The following IDO2 variants were observed in gnomAD, a reference collection of about 807,000 sequenced individuals.
IDO2 encodes indoleamine 2,3-dioxygenase 2.
In IDO2, 46 loss-of-function variants were observed where a neutral mutation model predicts 45.1. The observed-to-expected ratio is 1.02, with a 90% CI of 0.80 to 1.30. IDO2 has a LOEUF of 1.30. Ranked by LOEUF, IDO2 falls within the 50% of genes most tolerant of loss-of-function variation. The pLI is 0.00. For missense variants in IDO2, 544 were observed against 491.8 expected (o/e 1.11, Z -1.00); for synonymous variants, 218 against 184.9 (o/e 1.18, Z -1.45).
At chr8:39,993,637 A>G (rs879419908) in intron 8 of IDO2, among the ~76,000 whole-genome samples, 3 of 152,184 alleles carry the variant, frequency 2.0e-5, no homozygotes, top group Admixed American at 2.0e-4. Context: ...AGTAATTAAC[A>G]CTGAGATTCT....
intron 1 of IDO2, among the ~76,000 whole-genome samples, chr8:39,942,435 G>C (rs780856825): frequency 3.9e-5 from 6 of 152,162 alleles, no homozygotes; most frequent in Non-Finnish European, 8.8e-5. Context: ...CCAGAGGTCA[G>C]GAGTTTGAGA....
chr8:39,987,650 A>T, intron 6 of IDO2: 2 of 498,412 alleles, frequency 4.0e-6, no homozygotes, highest in Non-Finnish European at 7.2e-6. Context: ...AGACATTGGG[A>T]GGCTGCCTGT....
intron 8 of IDO2, among the ~76,000 whole-genome samples, chr8:40,000,409 CAAA>C (rs111983380): frequency 7.5e-6 from 1 of 132,956 alleles, no homozygotes. Flanking sequence ...ACTCCATCTT[CAAA>C]AAAAAAAAAA....
At chr8:39,948,260 A>G (rs1002765043) in intron 1 of IDO2, among the ~76,000 whole-genome samples, 1 of 152,278 alleles carries the variant, frequency 6.6e-6, no homozygotes, top group Admixed American at 6.5e-5. Context: ...TAAATCAATC[A>G]TAATCCTAGA....
intron 3 of IDO2, among the ~76,000 whole-genome samples, chr8:39,968,109 G>T (rs1808124156): frequency 6.7e-6 from 1 of 150,324 alleles, no homozygotes. Flanking sequence ...AAGAAAACAG[G>T]ATATCCTTCA....
intron 5 of IDO2, among the ~76,000 whole-genome samples, chr8:39,984,719 G>T (rs1400382306): frequency 1.3e-5 from 2 of 152,118 alleles, no homozygotes; most frequent in East Asian, 1.9e-4. Context: ...GACACTACAT[G>T]ACAAATGTCA....
At chr8:39,956,597 C>T (rs1321196571) in intron 2 of IDO2, among the ~76,000 whole-genome samples, 2 of 152,138 alleles carry the variant, frequency 1.3e-5, no homozygotes, top group East Asian at 3.8e-4. Context: ...AAAATTTATT[C>T]ATAGCAGCCT....
intron 4 of IDO2, 144 bp from the exon 5 acceptor site, chr8:39,982,508 G>A (rs1808369296): frequency 1.7e-6 from 1 of 592,230 alleles, no homozygotes; most frequent in East Asian, 2.8e-5. Context: ...TGCGGCATAT[G>A]AATGTGCATC....
At chr8:39,999,744 G>T (rs1802106873) in intron 8 of IDO2, among the ~76,000 whole-genome samples, 1 of 151,916 alleles carries the variant, frequency 6.6e-6, no homozygotes, top group Non-Finnish European at 1.5e-5. Flanking sequence ...ATTACAGGCG[G>T]GAGCCACCAT....
chr8:39,938,603 A>G (rs764299464), intron 1 of IDO2, among the ~76,000 whole-genome samples: 7 of 152,178 alleles, frequency 4.6e-5, no homozygotes, highest in Non-Finnish European at 5.9e-5. Context: ...TCACATATCA[A>G]TATTAAAATG....
chr8:39,950,581 G>T (rs1807799608), intron 2 of IDO2, among the ~76,000 whole-genome samples: 1 of 152,174 alleles, frequency 6.6e-6, no homozygotes, highest in South Asian at 2.1e-4. Context: ...TCTGCAGAAA[G>T]GGTGCTACTC....
chr8:39,972,224 T>C (rs1156892792), intron 3 of IDO2, among the ~76,000 whole-genome samples: 2 of 152,220 alleles, frequency 1.3e-5, no homozygotes, highest in Non-Finnish European at 2.9e-5. Flanking sequence ...GAAATGTTGC[T>C]GAACATTGTT....
At chr8:39,996,144 C>CG (rs1478297071) in intron 8 of IDO2, among the ~76,000 whole-genome samples, 3 of 151,412 alleles carry the variant, frequency 2.0e-5, no homozygotes, top group African/African-American at 7.3e-5. Flanking sequence ...TCCCTTTCCC[C>CG]GGGGGAGTTA....
intron 10 of IDO2, 61 bp from the exon 11 acceptor site, chr8:40,015,186 A>C: frequency 1.0e-6 from 1 of 992,136 alleles, no homozygotes; most frequent in Non-Finnish European, 1.5e-6. Context: ...AAGAAGAAGC[A>C]GACGAGCTCT....
chr8:40,015,130 G>A, intron 10 of IDO2, 117 bp from the exon 11 acceptor site: 1 of 646,996 alleles, frequency 1.5e-6, no homozygotes, highest in South Asian at 2.1e-5. Context: ...ACTCCAGCCT[G>A]GGCAACAGAG....
intron 9 of IDO2, among the ~76,000 whole-genome samples, chr8:40,006,403 A>G (rs935515482): frequency 3.3e-5 from 5 of 152,206 alleles, no homozygotes; most frequent in Admixed American, 1.3e-4. Context: ...GGTGTTTGGT[A>G]GGTCAGATGT....
intron 2 of IDO2, among the ~76,000 whole-genome samples, chr8:39,961,320 C>CTTTT (rs57577433): frequency 0.31 from 32,973 of 105,268 alleles, 4,787 homozygotes; most frequent in South Asian, 0.46. Context: ...TTGTATACTT[C>CTTTT]TTTTTTTTTT....
intron 4 of IDO2, among the ~76,000 whole-genome samples, chr8:39,981,984 G>A (rs1438377330): frequency 6.6e-6 from 1 of 152,100 alleles, no homozygotes; most frequent in African/African-American, 2.4e-5. Context: ...TTGACTTATG[G>A]AGTAAGAGAC....
At chr8:39,983,934 C>T (rs1207408794) in intron 5 of IDO2, among the ~76,000 whole-genome samples, 1 of 151,814 alleles carries the variant, frequency 6.6e-6, no homozygotes, top group East Asian at 1.9e-4. Flanking sequence ...AGCTCTGAGC[C>T]CTGGAGTTTT....
Sources: gnomAD v4.1 joint callset for allele counts (sites outside exome capture counted in the v4.1 genomes callset) on GRCh38, gnomAD v4.1.1 for gene constraint, MANE v1.5 for transcripts, NCBI Gene and HGNC (gene_info 2026-07-23, HGNC 2026-07-21) for gene names.